RHOU: variants seen among roughly 807,000 people sequenced by gnomAD.
RHOU encodes the protein rho-related GTP-binding protein RhoU.
Under a neutral mutation model 12.6 loss-of-function variants are expected in RHOU, and 8 were observed. That is an observed-to-expected ratio of 0.64 (90% confidence interval 0.37 to 1.15). The LOEUF is 1.15. RHOU is among the 50% of genes most tolerant of loss of function. The probability of loss-of-function intolerance (pLI) is 0.01; values close to 1 mark genes in which losing one functional copy is unlikely to be tolerated. For missense variants in RHOU, 258 were observed against 347.0 expected (o/e 0.74, Z 2.04); for synonymous variants, 161 against 147.4 (o/e 1.09, Z -0.67).
the RHOU span, among the ~76,000 whole-genome samples, chr1:228,726,406 C>T: frequency 1.6e-4 from 25 of 152,212 alleles, no homozygotes; most frequent in African/African-American, 6.0e-4. Context: ...TGGCTCAAGC[C>T]CATAATCCCA....
chr1:228,646,629 C>G, the RHOU span, among the ~76,000 whole-genome samples: 1 of 140,632 alleles, frequency 7.1e-6, no homozygotes, highest in African/African-American at 2.7e-5. Flanking sequence ...GGGGGGTGGC[C>G]CTGTTTTGCC....
the RHOU span, among the ~76,000 whole-genome samples, chr1:228,716,275 G>A: frequency 6.6e-6 from 1 of 152,090 alleles, no homozygotes; most frequent in Non-Finnish European, 1.5e-5. Context: ...CCCACACCTT[G>A]CCCCCTTCCT....
the RHOU span, among the ~76,000 whole-genome samples, chr1:228,710,810 G>T: frequency 1.3e-5 from 2 of 152,078 alleles, no homozygotes; most frequent in African/African-American, 4.8e-5. Flanking sequence ...GTTCTGGCCA[G>T]GGCAATGAGG....
the RHOU span, among the ~76,000 whole-genome samples, chr1:228,657,301 A>G: frequency 1.4e-5 from 2 of 145,468 alleles, no homozygotes; most frequent in Non-Finnish European, 3.0e-5. Flanking sequence ...AAAAAAAAAA[A>G]AGGAAAAAGA....
the RHOU span, among the ~76,000 whole-genome samples, chr1:228,685,136 C>G: frequency 6.6e-6 from 1 of 152,294 alleles, no homozygotes; most frequent in East Asian, 1.9e-4. Context: ...AGGAGCGTAG[C>G]AGTGAGGATG....
chr1:228,646,942 G>T, the RHOU span, among the ~76,000 whole-genome samples: 14 of 152,232 alleles, frequency 9.2e-5, no homozygotes, highest in South Asian at 8.3e-4. Flanking sequence ...TAAAGAGAGA[G>T]AGGCTAAGAG....
At chr1:228,690,413 C>A in the RHOU span, among the ~76,000 whole-genome samples, 10 of 151,706 alleles carry the variant, frequency 6.6e-5, no homozygotes, top group Admixed American at 6.6e-4. Flanking sequence ...GCAACCTCCG[C>A]CTCCCAGGTT....
At chr1:228,702,422 G>A in the RHOU span, among the ~76,000 whole-genome samples, 5 of 152,080 alleles carry the variant, frequency 3.3e-5, no homozygotes, top group African/African-American at 9.7e-5. Flanking sequence ...TCACAGAATG[G>A]CCAGGAGGCA....
chr1:228,712,956 T>C, the RHOU span, among the ~76,000 whole-genome samples: 2 of 151,788 alleles, frequency 1.3e-5, no homozygotes, highest in Non-Finnish European at 2.9e-5. Context: ...GATATCTGAG[T>C]CTGACTATAT....
At chr1:228,658,262 G>C in the RHOU span, among the ~76,000 whole-genome samples, 1 of 149,792 alleles carries the variant, frequency 6.7e-6, no homozygotes, top group Non-Finnish European at 1.5e-5. Context: ...ACTCCAATGG[G>C]GGCAATAGAA....
intron 2 of RHOU, among the ~76,000 whole-genome samples, chr1:228,740,407 T>G (rs545062721): frequency 2.0e-5 from 3 of 152,178 alleles, no homozygotes; most frequent in Non-Finnish European, 2.9e-5. Context: ...AGAACCAACT[T>G]CAAAACTTTT....
At chr1:228,658,251 C>A in the RHOU span, among the ~76,000 whole-genome samples, 1 of 138,872 alleles carries the variant, frequency 7.2e-6, no homozygotes, top group South Asian at 2.2e-4. Flanking sequence ...CAGGCTACTG[C>A]ACTCCAATGG....
chr1:228,662,727 T>C, the RHOU span, among the ~76,000 whole-genome samples: 1 of 152,032 alleles, frequency 6.6e-6, no homozygotes, highest in Admixed American at 6.6e-5. Context: ...AAATACCTAA[T>C]GTAAATGACG....
chr1:228,737,795 C>A lies in RHOU; in HGVS notation c.321+64C>A, dbSNP rs927580823. ...CAGCCTTTTAAAGATTTCCAAATAA[C>A]CTTTGATTCCCTCAGTCAGTAACTG... On this transcript the variant is annotated intron_variant, in intron 2 of 2. Coordinates refer to ENST00000366691, the MANE Select transcript of RHOU (RefSeq NM_021205.6). This position sits in a 1 kb window ranked among gnomAD's most constrained non-coding sequence, Gnocchi z 4.1. The A allele has an allele frequency of 2.2e-5, 33 of 1,515,186 alleles. No homozygotes were observed. In the African/African-American group the frequency reaches 2.9e-4, roughly 13 times the overall value. The allele number at this position is 1,515,186 out of a possible 1,614,324, so 93.9% of individuals were successfully genotyped here.
chr1:228,707,247 ATATATATAGTGTGT>A, the RHOU span, among the ~76,000 whole-genome samples: 1 of 93,826 alleles, frequency 1.1e-5, no homozygotes, highest in African/African-American at 6.5e-5. Context: ...ATATATATAT[ATATATATAGTGTGT>A]GTGTGTGTGT....
the RHOU span, among the ~76,000 whole-genome samples, chr1:228,668,813 A>G: frequency 6.6e-6 from 1 of 152,128 alleles, no homozygotes; most frequent in African/African-American, 2.4e-5. Context: ...TTTCAGGCCT[A>G]CCTGGAAGGC....
the RHOU span, among the ~76,000 whole-genome samples, chr1:228,671,251 C>T: frequency 2.0e-5 from 3 of 152,124 alleles, no homozygotes; most frequent in Non-Finnish European, 2.9e-5. Flanking sequence ...GTGATCCACT[C>T]GCCTTGACCT....
chr1:228,654,847 A>T, the RHOU span, among the ~76,000 whole-genome samples: 2 of 152,198 alleles, frequency 1.3e-5, no homozygotes, highest in African/African-American at 2.4e-5. Flanking sequence ...ATACCAGATG[A>T]TAAAATTGCT....
the RHOU span, chr1:228,651,215 G>C: frequency 2.9e-5 from 6 of 209,886 alleles, no homozygotes; most frequent in Non-Finnish European, 5.1e-5. Context: ...CTCCTACCAG[G>C]GGGAGGCAGC....
Sources: allele counts gnomAD v4.1 joint callset (sites outside exome capture counted in the v4.1 genomes callset), GRCh38; gene constraint gnomAD v4.1.1; non-coding constraint Gnocchi (gnomAD v3.1); transcripts MANE v1.5; gene names NCBI Gene and HGNC (gene_info 2026-07-23, HGNC 2026-07-21).